Variants in GPM6A observed in about 807,000 individuals in gnomAD.
GPM6A encodes the protein glycoprotein M6A.
GPM6A carries 7 observed loss-of-function variants against 32.1 expected under a neutral mutation model. The ratio of observed to expected loss-of-function variants is 0.22; its 90% CI spans 0.12 to 0.41. The LOEUF (loss-of-function observed/expected upper bound fraction) is 0.41. GPM6A is among the 10% of genes least tolerant of loss of function. The pLI, the probability that GPM6A is intolerant of heterozygous loss-of-function variation, is 1.00. For synonymous variants in GPM6A, 130 were observed against 123.4 expected, an observed-to-expected ratio of 1.05 and a Z score of -0.35; for missense variants, 235 against 347.2, an observed-to-expected ratio of 0.68 and a Z score of 2.57.
intron 1 of GPM6A, among the ~76,000 whole-genome samples, chr4:175,790,873 T>A (rs1733986195): frequency 6.6e-6 from 1 of 152,198 alleles, no homozygotes; most frequent in African/African-American, 2.4e-5. Flanking sequence ...TAGCACTAGG[T>A]TGAAACAAAT....
chr4:175,728,635 T>C (rs969040322), intron 1 of GPM6A, among the ~76,000 whole-genome samples: 5 of 152,218 alleles, frequency 3.3e-5, no homozygotes, highest in African/African-American at 1.2e-4. Flanking sequence ...TCATAAAATT[T>C]CCTTTCAACT....
At chr4:175,662,461 A>G (rs1315916193) in intron 3 of GPM6A, among the ~76,000 whole-genome samples, 1 of 151,966 alleles carries the variant, frequency 6.6e-6, no homozygotes, top group Admixed American at 6.6e-5. Context: ...TTAGCCAGGC[A>G]TGGTGGTTTG....
At chr4:175,708,923 T>C (rs1242358322) in intron 1 of GPM6A, among the ~76,000 whole-genome samples, 3 of 152,252 alleles carry the variant, frequency 2.0e-5, no homozygotes, top group Non-Finnish European at 4.4e-5. Context: ...GCACAGTAAA[T>C]ATTTGGTAGA....
intron 1 of GPM6A, among the ~76,000 whole-genome samples, chr4:175,800,203 C>T (rs982050334): frequency 6.6e-5 from 10 of 151,836 alleles, no homozygotes; most frequent in African/African-American, 2.2e-4. Context: ...AACTGAAGAG[C>T]AATCTTATTT....
At chr4:175,796,933 C>T (rs1311926227) in intron 1 of GPM6A, among the ~76,000 whole-genome samples, 2 of 152,088 alleles carry the variant, frequency 1.3e-5, no homozygotes, top group Non-Finnish European at 2.9e-5. Flanking sequence ...TCAGACGTTT[C>T]TGATAAGTCC....
At chr4:175,906,104 A>G (rs924912198) in intron 1 of GPM6A, among the ~76,000 whole-genome samples, 23 of 152,152 alleles carry the variant, frequency 1.5e-4, no homozygotes, top group African/African-American at 5.6e-4. Context: ...TAACACCATC[A>G]AATTCAATGA....
intron 1 of GPM6A, among the ~76,000 whole-genome samples, chr4:175,925,084 A>G (rs1481678990): frequency 6.6e-6 from 1 of 152,232 alleles, no homozygotes; most frequent in African/African-American, 2.4e-5. Flanking sequence ...TCAACCAGGG[A>G]TCATAATAAT....
At chr4:175,890,090 G>T (rs574928765) in intron 1 of GPM6A, among the ~76,000 whole-genome samples, 1 of 152,070 alleles carries the variant, frequency 6.6e-6, no homozygotes. Context: ...TTAGATAAAA[G>T]CACATGAAAA....
At chr4:175,968,501 G>A (rs1740399179) in intron 1 of GPM6A, among the ~76,000 whole-genome samples, 1 of 152,082 alleles carries the variant, frequency 6.6e-6, no homozygotes, top group South Asian at 2.1e-4. Context: ...GCCACCAGCT[G>A]GGAGAAAAAT....
At chr4:175,796,383 C>T (rs1212834041) in intron 1 of GPM6A, among the ~76,000 whole-genome samples, 1 of 152,002 alleles carries the variant, frequency 6.6e-6, no homozygotes, top group Non-Finnish European at 1.5e-5. Context: ...TCTAATTTAC[C>T]AATCAGTGCA....
At chr4:175,764,568 C>T (rs1732883431) in intron 1 of GPM6A, among the ~76,000 whole-genome samples, 2 of 152,136 alleles carry the variant, frequency 1.3e-5, no homozygotes, top group Non-Finnish European at 2.9e-5. Context: ...AAACTGTTTT[C>T]ATTCTAAACA....
intron 1 of GPM6A, among the ~76,000 whole-genome samples, chr4:175,950,266 CAG>C (rs1163864323): frequency 6.6e-6 from 1 of 152,110 alleles, no homozygotes; most frequent in Non-Finnish European, 1.5e-5. Flanking sequence ...ATGGGTCTAA[CAG>C]AGTCTCAATG....
chr4:175,809,698 G>A (rs936903329), intron 1 of GPM6A, among the ~76,000 whole-genome samples: 3 of 152,088 alleles, frequency 2.0e-5, no homozygotes, highest in Admixed American at 2.0e-4. Flanking sequence ...TAAAAGTTAG[G>A]ACTATTCTCA....
intron 1 of GPM6A, among the ~76,000 whole-genome samples, chr4:175,751,496 T>A (rs1321330593): frequency 6.6e-6 from 1 of 152,168 alleles, no homozygotes; most frequent in Non-Finnish European, 1.5e-5. Flanking sequence ...ATTGAACATG[T>A]TTATATTCAG....
intron 1 of GPM6A, among the ~76,000 whole-genome samples, chr4:175,846,464 T>C (rs1187894846): frequency 6.6e-6 from 1 of 152,120 alleles, no homozygotes; most frequent in Non-Finnish European, 1.5e-5. Flanking sequence ...AATTTATCTT[T>C]GTAACCCGAA....
chr4:175,900,437 C>T (rs577932646), intron 1 of GPM6A, among the ~76,000 whole-genome samples: 25 of 147,970 alleles, frequency 1.7e-4, no homozygotes, highest in East Asian at 4.0e-4. Context: ...TCTAATAATC[C>T]GGTCAAAAAA....
intron 1 of GPM6A, among the ~76,000 whole-genome samples, chr4:175,829,736 A>C (rs1248282656): frequency 6.8e-6 from 1 of 147,676 alleles, no homozygotes; most frequent in African/African-American, 2.5e-5. Flanking sequence ...GAAATATATA[A>C]GATATATATA....
Position 175,634,944 on chromosome 4 carries a change from G to A in GPM6A, c.798C>T (p.His266=). 1 of 1,613,824 alleles carries A rather than the reference G, an allele frequency of 6.2e-7. No individual in the cohort carries two copies. The highest frequency in any genetic ancestry group is 8.5e-7 in the Non-Finnish European group (1 of 1,179,752). Residue 266 remains histidine (H), a synonymous_variant, in exon 7 of 7, where the codon CAC becomes CAT. Coordinates refer to ENST00000393658, the MANE Select transcript of GPM6A (RefSeq NM_201591.3). ...TGAGCCGCTCTTTGGAGCGAGTAGA[G>A]TGGATGTCATGAAGCTCTTGCTCTT... ...SKEEQELHDI[H]STRSKERLNA...
At chr4:175,747,763 T>C (rs1360376017) in intron 1 of GPM6A, among the ~76,000 whole-genome samples, 3 of 151,996 alleles carry the variant, frequency 2.0e-5, no homozygotes, top group Admixed American at 1.3e-4. Context: ...GGTGGCTGTG[T>C]CAATTTCTTA....
Sources: gnomAD v4.1 joint callset for allele counts (sites outside exome capture counted in the v4.1 genomes callset) on GRCh38, gnomAD v4.1.1 for gene constraint, MANE v1.5 for transcripts, NCBI Gene and HGNC (gene_info 2026-07-23, HGNC 2026-07-21) for gene names.